SVEP1: variants seen among roughly 807,000 people sequenced by gnomAD.
SVEP1 encodes the protein sushi, von Willebrand factor type A, EGF and pentraxin domain containing 1.
In SVEP1, 164 loss-of-function variants were observed where a neutral mutation model predicts 367.3. That is an observed-to-expected ratio of 0.45 (90% CI 0.39 to 0.51). The LOEUF is 0.51. Ranked by LOEUF, SVEP1 falls within the 20% of genes least tolerant of loss-of-function variation. SVEP1 has a pLI of 0.00. For synonymous variants in SVEP1, 1,666 were observed against 1,611.6 expected (o/e 1.03, Z -0.81); for missense variants, 4,117 against 4,425.3 (o/e 0.93, Z 1.98).
rs1221888469 is a variant in SVEP1 at position 110,407,090 on chromosome 9, G to A, written c.8510C>T (p.Pro2837Leu). 6.2e-7 allele frequency: 1 copy of A among 1,613,850 alleles called. No individual in the cohort carries two copies. Among genetic ancestry groups the A allele is most frequent in the Non-Finnish European group, 8.5e-7 (1 of 1,179,890 alleles). The change falls in exon 38 of 48, where the codon CCA becomes CTA. Residue 2837 changes from proline to leucine, a missense_variant. Around this residue, in one of 4 missense-constraint regions of SVEP1, gnomAD observed 1,765 missense variants for 1,781.1 expected, o/e 0.99. Transcript: ENST00000374469. ...ICIPVDCSSP[P>L]VSANGQVRGD... ...TCTCACCTGGCCATTGGCTGAGACTGGGGGTGAACTGCAGTCCACAGGAAT... is the reference window on the plus strand; with the variant it reads ...TCTCACCTGGCCATTGGCTGAGACTAGGGGTGAACTGCAGTCCACAGGAAT...
intron 3 of SVEP1, among the ~76,000 whole-genome samples, chr9:110,542,292 G>A (rs1050366698): frequency 1.3e-5 from 2 of 152,104 alleles, no homozygotes; most frequent in African/African-American, 4.8e-5. Flanking sequence ...GTTATCTTGA[G>A]CAACATACTC....
intron 45 of SVEP1, 103 bp from the exon 46 acceptor site, chr9:110,375,566 G>T (rs1436620853): frequency 3.8e-6 from 4 of 1,054,764 alleles, no homozygotes; most frequent in African/African-American, 1.6e-5. Flanking sequence ...AAAACATTTT[G>T]CAGGAGTGAA....
chr9:110,387,194 T>G, intron 42 of SVEP1, 91 bp downstream of exon 42: 1 of 1,367,008 alleles, frequency 7.3e-7, no homozygotes, highest in East Asian at 2.4e-5. Context: ...CCATATCCCT[T>G]ATGAGTGGAG....
chr9:110,382,576 G>C (rs1033243172), intron 43 of SVEP1, among the ~76,000 whole-genome samples: 1 of 152,002 alleles, frequency 6.6e-6, no homozygotes, highest in African/African-American at 2.4e-5. Context: ...TATCTTACTG[G>C]GGTTCTCTGG....
intron 40 of SVEP1, among the ~76,000 whole-genome samples, chr9:110,393,884 C>A (rs1827710787): frequency 6.6e-6 from 1 of 152,152 alleles, no homozygotes; most frequent in Non-Finnish European, 1.5e-5. Context: ...TGGAGCCCAC[C>A]ACAGCTCAAG....
intron 8 of SVEP1, among the ~76,000 whole-genome samples, chr9:110,496,610 T>C (rs539647517): frequency 3.3e-5 from 5 of 152,326 alleles, no homozygotes; most frequent in African/African-American, 7.2e-5. Flanking sequence ...AGATGGCCTA[T>C]TGTGGAACTT....
chr9:110,426,610 A>G (rs1029664567), intron 36 of SVEP1, among the ~76,000 whole-genome samples: 2 of 152,190 alleles, frequency 1.3e-5, no homozygotes, highest in South Asian at 2.1e-4. Flanking sequence ...TGAAAGCCCT[A>G]TTGATGAAAA....
chr9:110,451,905 A>G (rs1828699773), intron 22 of SVEP1, among the ~76,000 whole-genome samples: 1 of 152,228 alleles, frequency 6.6e-6, no homozygotes, highest in Admixed American at 6.5e-5. Context: ...GGGAACAACT[A>G]ATGTTATTCA....
chr9:110,491,549 A>G (rs1829365961), intron 8 of SVEP1, among the ~76,000 whole-genome samples: 1 of 150,614 alleles, frequency 6.6e-6, no homozygotes, highest in South Asian at 2.1e-4. Context: ...CTATTTTAGT[A>G]ACCTATTACT....
At chr9:110,455,800 T>A (rs1419193050) in intron 21 of SVEP1, 97 bp from the exon 22 acceptor site, 7 of 889,592 alleles carry the variant, frequency 7.9e-6, no homozygotes, top group African/African-American at 2.1e-5. Flanking sequence ...ATAATCAGAA[T>A]TTTTAAATGG....
At chr9:110,373,358 T>A (rs1827304993) in intron 46 of SVEP1, among the ~76,000 whole-genome samples, 1 of 152,208 alleles carries the variant, frequency 6.6e-6, no homozygotes, top group Non-Finnish European at 1.5e-5. Flanking sequence ...GCACATCTGC[T>A]TTTGTCTGTA....
chr9:110,522,429 A>T (rs1334896735), intron 3 of SVEP1, among the ~76,000 whole-genome samples: 1 of 152,184 alleles, frequency 6.6e-6, no homozygotes, highest in Non-Finnish European at 1.5e-5. Context: ...TAACCTTTAT[A>T]GATGCTGGAT....
Position 110,404,665 on chromosome 9 carries a change from TTG to T in SVEP1, c.9441-115_9441-114del. 4.2e-6 allele frequency: 4 copies of T among 959,680 alleles called. No homozygotes were observed. In the Admixed American group the frequency reaches 7.9e-5, roughly 19 times the overall value. The allele number at this position is 959,680 out of a possible 1,614,324, so 59.4% of individuals were successfully genotyped here. Reference sequence around the variant, plus strand: ...CTCAGTAGATATTTTGTGCAACATATTGATTGTTGCACAATCAATATGTCAGG... The same window carrying T: ...CTCAGTAGATATTTTGTGCAACATATATTGTTGCACAATCAATATGTCAGG... On this transcript the variant is annotated intron_variant, in intron 38 of 47. Coordinates refer to ENST00000374469, the MANE Select transcript of SVEP1 (RefSeq NM_153366.4).
intron 3 of SVEP1, among the ~76,000 whole-genome samples, chr9:110,527,410 C>G (rs960939101): frequency 6.6e-6 from 1 of 151,612 alleles, no homozygotes; most frequent in Admixed American, 6.6e-5. Flanking sequence ...CTTTAATGAT[C>G]GATTCCTAAA....
intron 39 of SVEP1, among the ~76,000 whole-genome samples, chr9:110,403,093 C>CA (rs1827887635): frequency 6.6e-6 from 1 of 151,888 alleles, no homozygotes; most frequent in Admixed American, 6.6e-5. Flanking sequence ...GGAATTTAAA[C>CA]AAAAAAGTAT....
chr9:110,430,853 GAA>G (rs1828340348), intron 32 of SVEP1, among the ~76,000 whole-genome samples: 1 of 152,128 alleles, frequency 6.6e-6, no homozygotes, highest in Non-Finnish European at 1.5e-5. Context: ...GCAGATTCAG[GAA>G]AGTTTCCAGC....
At chr9:110,501,158 A>T (rs1829523453) in intron 6 of SVEP1, among the ~76,000 whole-genome samples, 1 of 148,130 alleles carries the variant, frequency 6.8e-6, no homozygotes, top group Admixed American at 6.8e-5. Context: ...AATATAATAT[A>T]TACAAATTAA....
rs1209267530 is a variant in SVEP1 at position 110,579,371 on chromosome 9, C to T, written c.173G>A (p.Gly58Glu). The change falls in exon 1 of 48, where the codon GGG becomes GAG. Residue 58 changes from glycine to glutamate, a missense_variant. Physicochemically the swap from Gly to Glu is moderately conservative, Grantham distance 98. Around this residue, in one of 4 missense-constraint regions of SVEP1, gnomAD observed 161 missense variants for 122.4 expected, o/e 1.32. Coordinates refer to ENST00000374469, the MANE Select transcript of SVEP1 (RefSeq NM_153366.4). The surrounding 1 kb of genome is among the most constrained non-coding windows in gnomAD (Gnocchi z 5.3). ...CTGGCCCAGCCGCTCCACTCTGCTC[C>T]CCGCCGCTTCGTCGCCAGGAGCGGG... ...APPAPGDEAA[G>E]SRVERLGQAF... is the part of the protein sequence containing the mutation. The T allele has an allele frequency of 5.1e-6, 8 of 1,560,570 alleles. No individual in the cohort carries two copies. The African/African-American group carries it at 9.5e-5, about 19-fold the overall frequency.
chr9:110,387,775 G>A (rs2118965607), intron 41 of SVEP1, among the ~76,000 whole-genome samples: 1 of 152,202 alleles, frequency 6.6e-6, no homozygotes, highest in East Asian at 1.9e-4. Context: ...TGCTAACAAT[G>A]GCCAAGAACT....
Sources: allele counts gnomAD v4.1 joint callset (sites outside exome capture counted in the v4.1 genomes callset), GRCh38; gene constraint gnomAD v4.1.1; regional missense constraint gnomAD v4.1.1; non-coding constraint Gnocchi (gnomAD v3.1); transcripts MANE v1.5; gene names NCBI Gene and HGNC (gene_info 2026-07-23, HGNC 2026-07-21).